Variants in CADM2 observed in about 807,000 individuals in gnomAD.
The protein encoded by CADM2 is cell adhesion molecule 2, also known as immunoglobulin superfamily member 4D.
A neutral mutation model predicts 49.8 loss-of-function variants in CADM2; 12 were observed. The ratio of observed to expected loss-of-function variants is 0.24; its 90% CI spans 0.15 to 0.39. The LOEUF (loss-of-function observed/expected upper bound fraction) is 0.39. Ranked by LOEUF, CADM2 falls within the 10% of genes least tolerant of loss-of-function variation. The pLI, the probability that CADM2 is intolerant of heterozygous loss-of-function variation, is 1.00. For missense variants in CADM2, 378 were observed against 492.3 expected, an observed-to-expected ratio of 0.77 and a Z score of 2.20; for synonymous variants, 214 against 175.4, an observed-to-expected ratio of 1.22 and a Z score of -1.74.
intron 1 of CADM2, among the ~76,000 whole-genome samples, chr3:85,010,087 A>G (rs982551304): frequency 3.9e-5 from 6 of 152,070 alleles, no homozygotes; most frequent in Non-Finnish European, 8.8e-5. Context: ...AGAATACCCC[A>G]ATAAAGATTT....
intron 5 of CADM2, among the ~76,000 whole-genome samples, chr3:85,903,104 C>A (rs905509243): frequency 1.3e-5 from 2 of 151,790 alleles, no homozygotes; most frequent in African/African-American, 2.4e-5. Context: ...TATCCACTTC[C>A]TTTGTGCTGT....
chr3:85,923,537 C>CAAAAAAAA (rs57230094), intron 6 of CADM2, among the ~76,000 whole-genome samples: 3 of 136,702 alleles, frequency 2.2e-5, no homozygotes, highest in Non-Finnish European at 4.8e-5. Context: ...ATCATGAAAG[C>CAAAAAAAA]AAAAAAAAAA....
chr3:85,715,420 C>T (rs2067255562), intron 1 of CADM2, among the ~76,000 whole-genome samples: 1 of 152,068 alleles, frequency 6.6e-6, no homozygotes, highest in Admixed American at 6.5e-5. Context: ...AGGGTAGTAA[C>T]TAATTAGAAC....
chr3:85,661,840 A>C (rs2065417036), intron 1 of CADM2, among the ~76,000 whole-genome samples: 1 of 152,036 alleles, frequency 6.6e-6, no homozygotes, highest in Admixed American at 6.6e-5. Context: ...CTTTTACCTT[A>C]TTAGTCAATA....
intron 1 of CADM2, among the ~76,000 whole-genome samples, chr3:85,023,948 A>T (rs2034614398): frequency 6.6e-6 from 1 of 152,110 alleles, no homozygotes; most frequent in Non-Finnish European, 1.5e-5. Context: ...GTCGTGTTAT[A>T]CACACAAAGT....
chr3:86,030,694 G>T (rs543766434), intron 8 of CADM2, among the ~76,000 whole-genome samples: 1 of 151,792 alleles, frequency 6.6e-6, no homozygotes, highest in Non-Finnish European at 1.5e-5. Flanking sequence ...TAAGGTCAAC[G>T]CTATAAGGGT....
intron 1 of CADM2, among the ~76,000 whole-genome samples, chr3:85,284,304 C>T (rs868426562): frequency 6.6e-6 from 1 of 152,070 alleles, no homozygotes; most frequent in Non-Finnish European, 1.5e-5. Flanking sequence ...ACTTACTAAA[C>T]ACCAGGCACT....
chr3:85,435,767 GTGA>G (rs2036898587), intron 1 of CADM2, among the ~76,000 whole-genome samples: 1 of 152,146 alleles, frequency 6.6e-6, no homozygotes, highest in African/African-American at 2.4e-5. Context: ...CTAATGACCA[GTGA>G]TGATGAGCTT....
chr3:85,815,442 T>C (rs2073151655), intron 3 of CADM2, among the ~76,000 whole-genome samples: 1 of 152,132 alleles, frequency 6.6e-6, no homozygotes, highest in Admixed American at 6.6e-5. Context: ...TGGTTCAACA[T>C]ACACAAATCA....
At chr3:85,657,707 T>C (rs200984622) in intron 1 of CADM2, among the ~76,000 whole-genome samples, 1 of 61,180 alleles carries the variant, frequency 1.6e-5, no homozygotes, top group Non-Finnish European at 4.6e-5. Flanking sequence ...GATATATATA[T>C]ACACAGATAT....
intron 1 of CADM2, among the ~76,000 whole-genome samples, chr3:85,061,796 G>GAT (rs1320013543): frequency 6.6e-6 from 1 of 151,956 alleles, no homozygotes; most frequent in Admixed American, 6.6e-5. Flanking sequence ...CAATGTAGTC[G>GAT]ATATATACAT....
At chr3:86,024,203 A>AG (rs1402156759) in intron 8 of CADM2, among the ~76,000 whole-genome samples, 4 of 152,224 alleles carry the variant, frequency 2.6e-5, no homozygotes, top group Non-Finnish European at 4.4e-5. Flanking sequence ...CCACCATAGT[A>AG]GGCTGACCCC....
chr3:85,955,198 G>A (rs1723907931), intron 7 of CADM2, among the ~76,000 whole-genome samples: 2 of 151,130 alleles, frequency 1.3e-5, no homozygotes, highest in African/African-American at 4.8e-5. Context: ...AAATAGGAAA[G>A]GTGACTTTTT....
At chr3:85,688,006 C>G (rs1559593413) in intron 1 of CADM2, among the ~76,000 whole-genome samples, 1 of 152,166 alleles carries the variant, frequency 6.6e-6, no homozygotes, top group Non-Finnish European at 1.5e-5. Context: ...TTATGAGAAT[C>G]CAATGCCTGA....
intron 1 of CADM2, among the ~76,000 whole-genome samples, chr3:85,382,363 G>A (rs914235996): frequency 6.6e-5 from 10 of 152,034 alleles, no homozygotes; most frequent in African/African-American, 2.4e-4. Flanking sequence ...TAAGCAGTGG[G>A]CACGCTCCTT....
Position 86,067,928 on chromosome 3 carries a change from T to C in CADM2, c.*1145T>C, listed in dbSNP as rs904385512. 2.0e-5 allele frequency: 3 copies of C among 152,478 alleles called. No homozygotes were observed. The highest frequency in any genetic ancestry group is 2.9e-5 in the Non-Finnish European group (2 of 67,908). 9.4% of individuals were successfully genotyped at this position (152,478 alleles called of 1,614,324 possible). ...GTTATAAGGAAAGGTAATTTTAAGC[T>C]AACAACCAGTGCACAGCCTCAGGTT... is the stretch of plus-strand genomic sequence containing the variant. On this transcript the variant is annotated 3_prime_UTR_variant, in exon 10 of 10. Coordinates refer to ENST00000383699, the MANE Select transcript of CADM2 (RefSeq NM_001167675.2).
At chr3:85,864,196 A>G (rs965741693) in intron 3 of CADM2, among the ~76,000 whole-genome samples, 1 of 152,164 alleles carries the variant, frequency 6.6e-6, no homozygotes, top group African/African-American at 2.4e-5. Context: ...TGCCTTCTTT[A>G]AGATAGTTAT....
chr3:85,987,906 G>T (rs1487131307), intron 8 of CADM2, among the ~76,000 whole-genome samples: 1 of 151,924 alleles, frequency 6.6e-6, no homozygotes, highest in African/African-American at 2.4e-5. Flanking sequence ...ACTAACCAGT[G>T]AATTAAATTT....
At chr3:85,985,312 A>G (rs951384373) in intron 8 of CADM2, among the ~76,000 whole-genome samples, 1 of 151,832 alleles carries the variant, frequency 6.6e-6, no homozygotes, top group African/African-American at 2.4e-5. Flanking sequence ...ACAAGTACAT[A>G]TCACGTTCAT....
Sources: allele counts gnomAD v4.1 joint callset (sites outside exome capture counted in the v4.1 genomes callset), GRCh38; gene constraint gnomAD v4.1.1; transcripts MANE v1.5; gene names NCBI Gene and HGNC (gene_info 2026-07-23, HGNC 2026-07-21).